The following ADGRL3 variants were observed in gnomAD, a reference collection of about 807,000 sequenced individuals.
ADGRL3 encodes the protein adhesion G protein-coupled receptor L3.
A neutral mutation model predicts 153.5 loss-of-function variants in ADGRL3; 62 were observed. The ratio of observed to expected loss-of-function variants is 0.40; its 90% CI spans 0.33 to 0.50. The LOEUF (loss-of-function observed/expected upper bound fraction) is 0.50, where lower values mean the gene tolerates loss of function less well. Ranked by LOEUF, ADGRL3 falls within the 20% of genes least tolerant of loss-of-function variation. ADGRL3 has a pLI of 0.47. For synonymous variants in ADGRL3, 710 were observed against 672.5 expected (o/e 1.06, Z -0.86); for missense variants, 1,641 against 1,859.4 (o/e 0.88, Z 2.16).
chr4:61,912,591 T>C, intron 12 of ADGRL3, 128 bp from the exon 13 acceptor site: 1 of 769,026 alleles, frequency 1.3e-6, no homozygotes, highest in Non-Finnish European at 2.1e-6. Context: ...TTTCATTTTC[T>C]TCTGAAAAGT....
chr4:61,391,885 A>C (rs1578604110), intron 2 of ADGRL3, among the ~76,000 whole-genome samples: 1 of 106,648 alleles, frequency 9.4e-6, no homozygotes, highest in African/African-American at 3.6e-5. Flanking sequence ...TTTGAGATGG[A>C]GTCTGGCTCT....
At chr4:61,396,162 A>C (rs1206125412) in intron 2 of ADGRL3, among the ~76,000 whole-genome samples, 1 of 151,994 alleles carries the variant, frequency 6.6e-6, no homozygotes, top group South Asian at 2.1e-4. Context: ...TTTCCCGTAC[A>C]TACATGTCAT....
intron 8 of ADGRL3, among the ~76,000 whole-genome samples, chr4:61,759,352 T>C (rs539227213): frequency 7.0e-4 from 107 of 152,312 alleles, no homozygotes; most frequent in African/African-American, 2.2e-3. Context: ...CCCATATTTC[T>C]TGGAGGCTTT....
At chr4:61,421,947 C>G (rs1578763833) in intron 2 of ADGRL3, among the ~76,000 whole-genome samples, 1 of 152,230 alleles carries the variant, frequency 6.6e-6, no homozygotes, top group East Asian at 1.9e-4. Flanking sequence ...ATTTATCCTT[C>G]ATCATTCATC....
intron 13 of ADGRL3, among the ~76,000 whole-genome samples, chr4:61,915,962 GT>G (rs1375061639): frequency 6.6e-6 from 1 of 151,956 alleles, no homozygotes; most frequent in Non-Finnish European, 1.5e-5. Context: ...ATCTTTTAGG[GT>G]TGATTTTGGC....
chr4:61,831,972 G>A (rs1304661594), intron 9 of ADGRL3, among the ~76,000 whole-genome samples: 2 of 152,146 alleles, frequency 1.3e-5, no homozygotes, highest in Admixed American at 6.5e-5. Context: ...CCCTGAGCCA[G>A]TTCAAGCCCT....
chr4:62,056,656 G>C (rs972127327), intron 25 of ADGRL3, among the ~76,000 whole-genome samples: 1 of 151,788 alleles, frequency 6.6e-6, no homozygotes, highest in Non-Finnish European at 1.5e-5. Context: ...CCAAAATTAA[G>C]GTCTGAAAAC....
chr4:61,946,672 T>G (rs925880683), intron 15 of ADGRL3, among the ~76,000 whole-genome samples: 1 of 152,212 alleles, frequency 6.6e-6, no homozygotes, highest in Non-Finnish European at 1.5e-5. Context: ...ATGATCTATC[T>G]TAAACTTAGT....
chr4:61,729,502 T>C (rs963529970), intron 6 of ADGRL3, among the ~76,000 whole-genome samples: 1 of 152,118 alleles, frequency 6.6e-6, no homozygotes, highest in East Asian at 1.9e-4. Flanking sequence ...TTCTCACTTG[T>C]TTTTGAAACC....
intron 1 of ADGRL3, among the ~76,000 whole-genome samples, chr4:61,217,044 T>G (rs575680591): frequency 1.3e-5 from 2 of 152,378 alleles, no homozygotes; most frequent in East Asian, 3.9e-4. Context: ...ATTAAATCAT[T>G]AATTTTATAA....
intron 2 of ADGRL3, among the ~76,000 whole-genome samples, chr4:61,468,796 CA>C (rs2097913333): frequency 6.6e-6 from 1 of 152,036 alleles, no homozygotes; most frequent in African/African-American, 2.4e-5. Flanking sequence ...CAGACTCAAC[CA>C]AGGGAAAAAG....
intron 1 of ADGRL3, among the ~76,000 whole-genome samples, chr4:61,281,109 C>T (rs539003903): frequency 1.3e-5 from 2 of 151,910 alleles, no homozygotes; most frequent in Admixed American, 1.3e-4. Context: ...CATATATATG[C>T]CTAACTTTTA....
At chr4:61,280,352 C>T (rs1239238361) in intron 1 of ADGRL3, among the ~76,000 whole-genome samples, 1 of 151,854 alleles carries the variant, frequency 6.6e-6, no homozygotes, top group Admixed American at 6.6e-5. Context: ...CATGATCCAC[C>T]CACCTTGGCC....
chr4:61,360,507 C>A (rs1042019715), intron 1 of ADGRL3, among the ~76,000 whole-genome samples: 1 of 151,988 alleles, frequency 6.6e-6, no homozygotes, highest in Non-Finnish European at 1.5e-5. Flanking sequence ...AAAAAAATTC[C>A]GGCAAGTTAT....
chr4:61,428,947 T>C (rs2097322488), intron 2 of ADGRL3, among the ~76,000 whole-genome samples: 1 of 150,138 alleles, frequency 6.7e-6, no homozygotes, highest in African/African-American at 2.5e-5. Context: ...CTATCTGTCA[T>C]TCCAGATAAA....
chr4:61,278,238 C>G (rs978953865), intron 1 of ADGRL3, among the ~76,000 whole-genome samples: 2 of 152,094 alleles, frequency 1.3e-5, no homozygotes, highest in African/African-American at 4.8e-5. Context: ...CTTTCATCTG[C>G]CCTTTCTCTT....
chr4:61,978,057 G>A (rs527792088), intron 17 of ADGRL3, among the ~76,000 whole-genome samples: 4 of 152,226 alleles, frequency 2.6e-5, no homozygotes, highest in South Asian at 4.1e-4. Flanking sequence ...TTTGGAAAAC[G>A]TGAATATTTA....
intron 8 of ADGRL3, among the ~76,000 whole-genome samples, chr4:61,735,055 C>T (rs192446533): frequency 6.6e-6 from 1 of 152,186 alleles, no homozygotes. Flanking sequence ...ATATGCATAT[C>T]TTTTTACTGA....
rs563795425 is a variant in ADGRL3, at chr4:61,360,778, A to G, written c.-239-22346A>G. ...ATATACCACATACTAGAAATACAATACTTTTTAGTGTATGGTGTACTCTCA... is the reference window on the plus strand; with the variant it reads ...ATATACCACATACTAGAAATACAATGCTTTTTAGTGTATGGTGTACTCTCA... On this transcript the variant is annotated intron_variant, in intron 1 of 26. Coordinates refer to ENST00000683033, the MANE Select transcript of ADGRL3 (RefSeq NM_001387552.1). 5.3e-5 allele frequency among the ~76,000 whole-genome samples: 8 copies of G among 152,308 alleles called. No homozygotes were observed. In the South Asian group the frequency reaches 1.7e-3, roughly 32 times the overall value.
Sources: allele counts gnomAD v4.1 joint callset (sites outside exome capture counted in the v4.1 genomes callset), GRCh38; gene constraint gnomAD v4.1.1; transcripts MANE v1.5; gene names NCBI Gene and HGNC (gene_info 2026-07-23, HGNC 2026-07-21).